The following FMN2 variants were observed in gnomAD, a reference collection of about 807,000 sequenced individuals.
The protein encoded by FMN2 is formin 2, also known as formin-2.
In FMN2, 51 loss-of-function variants were observed where a neutral mutation model predicts 142.3. The ratio of observed to expected loss-of-function variants is 0.36; its 90% CI spans 0.29 to 0.45. The LOEUF is 0.45. FMN2 is among the 20% of genes least tolerant of loss of function. The pLI is 1.00. For synonymous variants in FMN2, 882 were observed against 869.8 expected (o/e 1.01, Z -0.25); for missense variants, 1,936 against 2,122.8 (o/e 0.91, Z 1.73).
intron 4 of FMN2, among the ~76,000 whole-genome samples, chr1:240,202,666 G>A (rs1666171171): frequency 6.6e-6 from 1 of 151,968 alleles, no homozygotes; most frequent in African/African-American, 2.4e-5. Context: ...GTCTTGTTAT[G>A]TTGCCCATGC....
intron 8 of FMN2, among the ~76,000 whole-genome samples, chr1:240,298,367 A>G (rs988700312): frequency 6.6e-6 from 1 of 152,212 alleles, no homozygotes; most frequent in Admixed American, 6.5e-5. Context: ...ATTAAAAAAT[A>G]AGTCTTGGGA....
At chr1:240,208,779 G>A in intron 5 of FMN2, 47 bp downstream of exon 5, 1 of 1,538,350 alleles carries the variant, frequency 6.5e-7, no homozygotes, top group Non-Finnish European at 8.8e-7. Context: ...GTCAGTATTA[G>A]GGAAGTGTTT....
chr1:240,144,946 C>G (rs1305949807), intron 2 of FMN2: 1 of 1,290,786 alleles, frequency 7.7e-7, no homozygotes, highest in African/African-American at 1.4e-5. Context: ...AGCCTACTAG[C>G]CGATACTTGA....
intron 15 of FMN2, among the ~76,000 whole-genome samples, chr1:240,430,630 T>C (rs1433111449): frequency 1.3e-5 from 2 of 151,744 alleles, no homozygotes; most frequent in Non-Finnish European, 2.9e-5. Flanking sequence ...GTTTCTGTCT[T>C]CTACATCTAA....
intron 7 of FMN2, among the ~76,000 whole-genome samples, chr1:240,290,749 A>G (rs956780657): frequency 8.8e-5 from 10 of 113,894 alleles, no homozygotes; most frequent in African/African-American, 3.1e-4. Context: ...ATTGTTGTCT[A>G]TTTTGGTCTG....
chr1:240,350,892 G>T (rs1007767041), intron 13 of FMN2, among the ~76,000 whole-genome samples: 2 of 152,186 alleles, frequency 1.3e-5, no homozygotes, highest in Non-Finnish European at 2.9e-5. Flanking sequence ...GGAGAAATGT[G>T]CATAAGCAAG....
chr1:240,211,232 A>G lies in FMN2; in HGVS notation c.4062A>G (p.Lys1354=). The G allele has an allele frequency of 6.2e-7, 1 of 1,610,966 alleles. No homozygotes were observed. Among genetic ancestry groups the G allele is most frequent in the Non-Finnish European group, 8.5e-7 (1 of 1,179,222 alleles). Residue 1354 remains lysine (K), a synonymous_variant, in exon 6 of 18, where the codon AAA becomes AAG. Transcript: ENST00000319653. The part of the protein sequence containing the change: ...ISDTISKTKA[K]QVVKLLSNKR... ...ATACTATCTCAAAGACGAAGGCTAA[A>G]CAAGTGAGTATTTTTGTGCTTTATG...
chr1:240,323,160 T>C (rs977696530), intron 8 of FMN2, among the ~76,000 whole-genome samples: 8 of 151,074 alleles, frequency 5.3e-5, no homozygotes, highest in African/African-American at 2.0e-4. Context: ...TCTCTTTCTC[T>C]TTCTCTCTTT....
intron 6 of FMN2, among the ~76,000 whole-genome samples, chr1:240,254,176 G>C (rs1668371770): frequency 6.6e-6 from 1 of 152,156 alleles, no homozygotes; most frequent in African/African-American, 2.4e-5. Context: ...TCGTGCTGAG[G>C]GACGCAGTAG....
chr1:240,190,727 G>A (rs555858864), intron 4 of FMN2, among the ~76,000 whole-genome samples: 9 of 152,132 alleles, frequency 5.9e-5, no homozygotes, highest in East Asian at 1.9e-4. Flanking sequence ...TGCCAAAATC[G>A]TCAGATGAAT....
intron 6 of FMN2, among the ~76,000 whole-genome samples, chr1:240,243,040 C>T (rs1667964061): frequency 6.6e-6 from 1 of 151,984 alleles, no homozygotes; most frequent in African/African-American, 2.4e-5. Flanking sequence ...TGAGATCAGC[C>T]ACCCTCCCCT....
intron 14 of FMN2, among the ~76,000 whole-genome samples, chr1:240,361,202 G>GA (rs143509418): frequency 7.7e-6 from 1 of 129,582 alleles, no homozygotes. Context: ...TTTAAAGAAG[G>GA]AAAAAAACAC....
intron 7 of FMN2, among the ~76,000 whole-genome samples, chr1:240,265,439 T>C (rs1668765033): frequency 6.6e-6 from 1 of 152,100 alleles, no homozygotes; most frequent in Non-Finnish European, 1.5e-5. Flanking sequence ...GGTTGAAAAA[T>C]TGCTATCACC....
At chr1:240,241,039 G>T (rs149507091) in intron 6 of FMN2, among the ~76,000 whole-genome samples, 1 of 152,098 alleles carries the variant, frequency 6.6e-6, no homozygotes, top group African/African-American at 2.4e-5. Flanking sequence ...AATTAGAAAG[G>T]CATTTTGTTT....
At chr1:240,248,918 A>ATTAT (rs534068342) in intron 6 of FMN2, among the ~76,000 whole-genome samples, 1 of 151,908 alleles carries the variant, frequency 6.6e-6, no homozygotes. Context: ...AAGGAGATGA[A>ATTAT]TTATTTATTT....
intron 7 of FMN2, among the ~76,000 whole-genome samples, chr1:240,275,813 G>T (rs1669188086): frequency 2.0e-5 from 3 of 152,126 alleles, no homozygotes; most frequent in African/African-American, 7.2e-5. Flanking sequence ...TCTCACTGTG[G>T]TTTTGATTTG....
At chr1:240,314,302 A>G (rs28441027) in intron 8 of FMN2, among the ~76,000 whole-genome samples, 26,377 of 151,970 alleles carry the variant, frequency 0.17, 3,392 homozygotes, top group African/African-American at 0.36. Context: ...CATCTGTAGC[A>G]AGGAGTGCAA....
rs199927059 is a variant in FMN2 at position 240,206,784 on chromosome 1, C to A, written c.1987-15C>A. 2.8e-5 allele frequency: 45 copies of A among 1,599,438 alleles called. No homozygotes were observed. The highest frequency in any genetic ancestry group is 3.4e-5 in the Admixed American group (2 of 59,214). ...TATTTCATAACTAACTGTGTCTGTCCTTGTCGCCCTTCAGGAAGTTGTTGA... is the reference window on the plus strand; with the variant it reads ...TATTTCATAACTAACTGTGTCTGTCATTGTCGCCCTTCAGGAAGTTGTTGA... On this transcript the variant is annotated splice_polypyrimidine_tract_variant and intron_variant, in intron 4 of 17. Transcript: ENST00000319653.
intron 6 of FMN2, among the ~76,000 whole-genome samples, chr1:240,215,446 T>C (rs1251645498): frequency 6.6e-6 from 1 of 152,180 alleles, no homozygotes; most frequent in Non-Finnish European, 1.5e-5. Context: ...TGAGCTCGGG[T>C]TCAGACTCCA....
Sources: allele counts gnomAD v4.1 joint callset (sites outside exome capture counted in the v4.1 genomes callset), GRCh38; gene constraint gnomAD v4.1.1; transcripts MANE v1.5; gene names NCBI Gene and HGNC (gene_info 2026-07-23, HGNC 2026-07-21).